Variants in RABGAP1L observed in about 807,000 individuals in gnomAD.
RABGAP1L encodes the protein rab GTPase-activating protein 1-like.
RABGAP1L carries 63 observed loss-of-function variants against 137.7 expected under a neutral mutation model. The ratio of observed to expected loss-of-function variants is 0.46; its 90% CI spans 0.37 to 0.56. RABGAP1L has a LOEUF of 0.56. RABGAP1L is among the 20% of genes least tolerant of loss of function. The pLI, the probability that RABGAP1L is intolerant of heterozygous loss-of-function variation, is 0.00. For missense variants in RABGAP1L, 1,095 were observed against 1,244.0 expected, an observed-to-expected ratio of 0.88 and a Z score of 1.80; for synonymous variants, 431 against 433.7, an observed-to-expected ratio of 0.99 and a Z score of 0.08.
chr1:174,775,687 C>T (rs1467536711), intron 18 of RABGAP1L, among the ~76,000 whole-genome samples: 1 of 152,094 alleles, frequency 6.6e-6, no homozygotes, highest in Non-Finnish European at 1.5e-5. Flanking sequence ...TCTGTGATTA[C>T]CTATATTCTC....
intron 1 of RABGAP1L, among the ~76,000 whole-genome samples, chr1:174,204,096 A>G (rs887652149): frequency 2.0e-5 from 3 of 152,114 alleles, no homozygotes; most frequent in African/African-American, 7.2e-5. Context: ...GATTTCAGGC[A>G]TGTGCCACCA....
intron 13 of RABGAP1L, among the ~76,000 whole-genome samples, chr1:174,554,350 A>T (rs1239947236): frequency 6.6e-6 from 1 of 152,142 alleles, no homozygotes; most frequent in East Asian, 1.9e-4. Context: ...CTTTTAAAGG[A>T]AGTGTCTAGA....
At chr1:174,860,068 A>G (rs1650033031) in intron 19 of RABGAP1L, among the ~76,000 whole-genome samples, 1 of 151,360 alleles carries the variant, frequency 6.6e-6, no homozygotes, top group African/African-American at 2.4e-5. Flanking sequence ...ATCACAATCC[A>G]GACACAAGTC....
intron 13 of RABGAP1L, among the ~76,000 whole-genome samples, chr1:174,582,946 G>A (rs1433547058): frequency 2.0e-5 from 3 of 152,064 alleles, no homozygotes; most frequent in South Asian, 2.1e-4. Flanking sequence ...AAACTATGGC[G>A]TATGTATTAT....
At chr1:174,305,298 G>A (rs1678100295) in intron 11 of RABGAP1L, among the ~76,000 whole-genome samples, 171 bp downstream of exon 11, 2 of 152,168 alleles carry the variant, frequency 1.3e-5, no homozygotes, top group African/African-American at 4.8e-5. Context: ...TGGTTCCTAA[G>A]TTGCATAGTC....
intron 13 of RABGAP1L, among the ~76,000 whole-genome samples, chr1:174,434,365 T>G (rs1453057424): frequency 6.6e-6 from 1 of 152,206 alleles, no homozygotes; most frequent in Non-Finnish European, 1.5e-5. Flanking sequence ...GTTTATTCAT[T>G]CCCCTGTTGA....
At chr1:174,515,387 A>G (rs1044587494) in intron 13 of RABGAP1L, among the ~76,000 whole-genome samples, 30 of 152,204 alleles carry the variant, frequency 2.0e-4, no homozygotes, top group Non-Finnish European at 8.8e-5. Context: ...GTGTTTGTGC[A>G]TGCACACACA....
At chr1:174,613,879 C>A (rs1026873635) in intron 13 of RABGAP1L, among the ~76,000 whole-genome samples, 12 of 152,026 alleles carry the variant, frequency 7.9e-5, no homozygotes, top group African/African-American at 2.4e-5. Context: ...AGGATTGCAA[C>A]CCCTGCCTTT....
intron 20 of RABGAP1L, among the ~76,000 whole-genome samples, chr1:174,965,355 T>G (rs1669522525): frequency 6.6e-6 from 1 of 152,188 alleles, no homozygotes; most frequent in Non-Finnish European, 1.5e-5. Flanking sequence ...CTGACTGAGG[T>G]TATTGGGGCT....
chr1:174,808,386 C>T (rs1253566533), intron 18 of RABGAP1L, among the ~76,000 whole-genome samples: 1 of 151,968 alleles, frequency 6.6e-6, no homozygotes, highest in Non-Finnish European at 1.5e-5. Flanking sequence ...CCCAGGAGTT[C>T]GAGGCTGCAG....
chr1:174,578,684 A>T (rs1278797694), intron 13 of RABGAP1L, among the ~76,000 whole-genome samples: 2 of 152,138 alleles, frequency 1.3e-5, no homozygotes, highest in Non-Finnish European at 2.9e-5. Context: ...CCTAGAAAAG[A>T]TAGTTTATGT....
intron 20 of RABGAP1L, among the ~76,000 whole-genome samples, chr1:174,961,721 C>T (rs1029117815): frequency 6.6e-6 from 1 of 151,714 alleles, no homozygotes; most frequent in Non-Finnish European, 1.5e-5. Flanking sequence ...TGGCAAGCAC[C>T]TGTAGTCCCA....
intron 1 of RABGAP1L, among the ~76,000 whole-genome samples, chr1:174,186,360 A>G (rs1193422925): frequency 6.6e-6 from 1 of 152,214 alleles, no homozygotes; most frequent in Admixed American, 6.5e-5. Flanking sequence ...TAATCTCACA[A>G]AGTTATAGCT....
intron 1 of RABGAP1L, among the ~76,000 whole-genome samples, chr1:174,164,080 A>G (rs1424889440): frequency 6.6e-6 from 1 of 151,734 alleles, no homozygotes; most frequent in African/African-American, 2.4e-5. Context: ...TTTTTATACT[A>G]TGGATTTCCT....
At chr1:174,686,689 G>A (rs539701144) in intron 15 of RABGAP1L, among the ~76,000 whole-genome samples, 11 of 123,078 alleles carry the variant, frequency 8.9e-5, no homozygotes, top group South Asian at 5.7e-4. Context: ...ATGGAGTCTC[G>A]CTCAGTTGCC....
At position 174,175,144 on chromosome 1, in the gene RABGAP1L, C is replaced by T. The variant is rs1180688321; in HGVS notation, c.-34+15487C>T. Among the ~76,000 whole-genome samples the T allele has an allele frequency of 2.9e-5, 3 of 104,134 alleles. No individual in the cohort carries two copies. The South Asian group carries it at 8.7e-4, about 30-fold the overall frequency. The allele number at this position is 104,134 out of a possible 152,430, so 68.3% of individuals were successfully genotyped here. A position where few individuals can be genotyped will look rare whatever the true frequency, so the allele number is the denominator to read the frequency against. On this transcript the variant is annotated intron_variant, in intron 1 of 25. Transcript: ENST00000681986. ...TTTGAATAACCATAGATTTAATTTT[C>T]TTGTATATGACACAGACCAGTAGAT...
intron 1 of RABGAP1L, among the ~76,000 whole-genome samples, chr1:174,165,736 C>T (rs562003433): frequency 6.6e-6 from 1 of 150,588 alleles, no homozygotes; most frequent in South Asian, 2.1e-4. Context: ...TGGACTGAAA[C>T]TGTCCTCCTG....
At chr1:174,927,004 C>T (rs903079491) in intron 19 of RABGAP1L, among the ~76,000 whole-genome samples, 21 of 151,322 alleles carry the variant, frequency 1.4e-4, no homozygotes, top group Admixed American at 1.3e-3. Flanking sequence ...ACCCAGGAGG[C>T]AGAGGTTGCA....
At chr1:174,171,376 C>G (rs981734911) in intron 1 of RABGAP1L, among the ~76,000 whole-genome samples, 2 of 151,936 alleles carry the variant, frequency 1.3e-5, no homozygotes, top group Non-Finnish European at 2.9e-5. Context: ...TATACAGATA[C>G]AAAATCATGA....
Sources: allele counts gnomAD v4.1 joint callset (sites outside exome capture counted in the v4.1 genomes callset), GRCh38; gene constraint gnomAD v4.1.1; transcripts MANE v1.5; gene names NCBI Gene and HGNC (gene_info 2026-07-23, HGNC 2026-07-21).